The following PTPRD variants were observed in gnomAD, a reference collection of about 807,000 sequenced individuals.
PTPRD encodes receptor-type tyrosine-protein phosphatase delta.
Under a neutral mutation model 214.5 loss-of-function variants are expected in PTPRD, and 34 were observed. The ratio of observed to expected loss-of-function variants is 0.16; its 90% CI spans 0.12 to 0.21. The LOEUF (loss-of-function observed/expected upper bound fraction) is 0.21. Ranked by LOEUF, PTPRD falls within the 10% of genes least tolerant of loss-of-function variation. The pLI is 1.00. For synonymous variants in PTPRD, 1,128 were observed against 845.7 expected, an observed-to-expected ratio of 1.33 and a Z score of -5.79; for missense variants, 2,545 against 2,398.7, an observed-to-expected ratio of 1.06 and a Z score of -1.27.
intron 4 of PTPRD, among the ~76,000 whole-genome samples, chr9:10,000,861 T>C (rs1160528494): frequency 6.6e-6 from 1 of 152,124 alleles, no homozygotes; most frequent in East Asian, 1.9e-4. Flanking sequence ...GGACATCTGG[T>C]GGCCTGCATT....
At chr9:8,468,087 G>C (rs954232837) in intron 31 of PTPRD, among the ~76,000 whole-genome samples, 1 of 151,968 alleles carries the variant, frequency 6.6e-6, no homozygotes, top group Non-Finnish European at 1.5e-5. Flanking sequence ...CTTTCTGCTA[G>C]GGTTTCTTTA....
rs551849809 is a variant in PTPRD at position 9,634,508 on chromosome 9, G to A, written c.-286-59727C>T. On this transcript the variant is annotated intron_variant, in intron 7 of 45. Coordinates refer to ENST00000381196, the MANE Select transcript of PTPRD (RefSeq NM_002839.4). ...CTATTGGTAATTCAACAATAAATTT[G>A]CTGATTATTTAAAATTCACATAATT... is the stretch of plus-strand genomic sequence containing the variant. Among the ~76,000 whole-genome samples the A allele has an allele frequency of 1.1e-4, 16 of 152,220 alleles. No homozygotes were observed. In the South Asian group the frequency reaches 2.9e-3, roughly 28 times the overall value.
intron 3 of PTPRD, among the ~76,000 whole-genome samples, chr9:10,058,226 G>A (rs1290328110): frequency 6.6e-6 from 1 of 151,936 alleles, no homozygotes; most frequent in African/African-American, 2.4e-5. Flanking sequence ...TTTGAGTTAT[G>A]TATTCACATC....
At chr9:8,907,032 A>G (rs1457828145) in intron 11 of PTPRD, among the ~76,000 whole-genome samples, 2 of 152,110 alleles carry the variant, frequency 1.3e-5, no homozygotes, top group African/African-American at 2.4e-5. Flanking sequence ...AATTTTGCAT[A>G]TGTTTCTCAA....
intron 11 of PTPRD, among the ~76,000 whole-genome samples, chr9:8,938,488 G>C (rs1322715800): frequency 6.6e-6 from 1 of 152,088 alleles, no homozygotes; most frequent in Non-Finnish European, 1.5e-5. Flanking sequence ...GCATCTTTGA[G>C]CTTGTCAGGG....
intron 5 of PTPRD, among the ~76,000 whole-genome samples, chr9:9,770,883 C>T (rs2098746690): frequency 6.6e-6 from 1 of 152,082 alleles, no homozygotes; most frequent in South Asian, 2.1e-4. Context: ...TGTTATTTTA[C>T]AGTTACTGTG....
chr9:9,429,637 A>T (rs1278035548), intron 8 of PTPRD, among the ~76,000 whole-genome samples: 2 of 152,232 alleles, frequency 1.3e-5, no homozygotes, highest in Non-Finnish European at 2.9e-5. Context: ...ATGAACATTG[A>T]TGCAAAAATC....
chr9:9,647,308 A>G (rs2096217782), intron 7 of PTPRD, among the ~76,000 whole-genome samples: 2 of 152,190 alleles, frequency 1.3e-5, no homozygotes, highest in Non-Finnish European at 2.9e-5. Flanking sequence ...TGCTAATTGC[A>G]AAATCTAAAT....
At chr9:9,042,605 CTTTTTTTTCTTTTCTTT>C (rs1345797394) in intron 10 of PTPRD, among the ~76,000 whole-genome samples, 11 of 81,258 alleles carry the variant, frequency 1.4e-4, no homozygotes, top group Admixed American at 1.2e-3. Flanking sequence ...AGCATTTTTT[CTTTTTTTTCTTTTCTTT>C]TTTTTTTTTT....
intron 3 of PTPRD, among the ~76,000 whole-genome samples, chr9:10,041,029 T>G (rs910246046): frequency 3.9e-5 from 6 of 152,080 alleles, no homozygotes; most frequent in Non-Finnish European, 8.8e-5. Context: ...TTAAAGTAAA[T>G]GTATTTCACT....
intron 14 of PTPRD, among the ~76,000 whole-genome samples, chr9:8,547,747 C>T (rs1307177918): frequency 6.6e-6 from 1 of 151,280 alleles, no homozygotes; most frequent in African/African-American, 2.4e-5. Flanking sequence ...TGATAAATAT[C>T]ACAAAGATAT....
intron 2 of PTPRD, among the ~76,000 whole-genome samples, chr9:10,540,512 C>A (rs753428429): frequency 2.6e-5 from 4 of 152,124 alleles, no homozygotes; most frequent in Non-Finnish European, 5.9e-5. Flanking sequence ...GTATAATTTG[C>A]TAAGTAGTAG....
chr9:9,472,069 T>A (rs902685291), intron 8 of PTPRD, among the ~76,000 whole-genome samples: 1 of 152,198 alleles, frequency 6.6e-6, no homozygotes. Context: ...AGATATAAGA[T>A]GGTGATCTAT....
intron 8 of PTPRD, among the ~76,000 whole-genome samples, chr9:9,552,658 T>C (rs2080587817): frequency 6.6e-6 from 1 of 152,008 alleles, no homozygotes; most frequent in Non-Finnish European, 1.5e-5. Context: ...GCTTCTTGGG[T>C]TCAAGGTTAG....
intron 7 of PTPRD, among the ~76,000 whole-genome samples, chr9:9,652,500 G>A (rs762025233): frequency 1.3e-5 from 2 of 151,998 alleles, no homozygotes; most frequent in African/African-American, 2.4e-5. Context: ...ATTTCAATAG[G>A]CTCCCTATAA....
intron 10 of PTPRD, among the ~76,000 whole-genome samples, chr9:9,175,348 C>T (rs2099923994): frequency 6.6e-6 from 1 of 152,014 alleles, no homozygotes; most frequent in African/African-American, 2.4e-5. Flanking sequence ...CTTGGCTGGG[C>T]ACGGTGGCTC....
At chr9:9,760,474 G>A (rs2098642637) in intron 6 of PTPRD, among the ~76,000 whole-genome samples, 1 of 151,906 alleles carries the variant, frequency 6.6e-6, no homozygotes, top group African/African-American at 2.4e-5. Context: ...ACTGTCACAT[G>A]TTCATAACCT....
intron 3 of PTPRD, among the ~76,000 whole-genome samples, chr9:10,255,539 G>A (rs928349189): frequency 6.6e-6 from 1 of 152,112 alleles, no homozygotes; most frequent in East Asian, 1.9e-4. Context: ...TGAGAGGTGC[G>A]CGAATATAAA....
chr9:8,533,366 T>C (rs533709747), intron 14 of PTPRD, among the ~76,000 whole-genome samples: 2 of 152,190 alleles, frequency 1.3e-5, no homozygotes, highest in African/African-American at 4.8e-5. Flanking sequence ...TTTGCCATGG[T>C]ATTGGGAAAA....
Sources: gnomAD v4.1 joint callset for allele counts (sites outside exome capture counted in the v4.1 genomes callset) on GRCh38, gnomAD v4.1.1 for gene constraint, MANE v1.5 for transcripts, NCBI Gene and HGNC (gene_info 2026-07-23, HGNC 2026-07-21) for gene names.